The following ASB1 variants were observed in gnomAD, a reference collection of about 807,000 sequenced individuals.
ASB1 encodes ankyrin repeat and SOCS box containing 1.
ASB1 carries 18 observed loss-of-function variants against 27.7 expected under a neutral mutation model. The ratio of observed to expected loss-of-function variants is 0.65; its 90% CI spans 0.45 to 0.96. The LOEUF is 0.96. Ranked by LOEUF, ASB1 falls within the 50% of genes least tolerant of loss-of-function variation. The pLI, the probability that ASB1 is intolerant of heterozygous loss-of-function variation, is 0.00. For missense variants in ASB1, 397 were observed against 451.7 expected (o/e 0.88, Z 1.10); for synonymous variants, 189 against 187.6 (o/e 1.01, Z -0.06).
chr2:238,437,552 T>G (rs532113611), intron 3 of ASB1, among the ~76,000 whole-genome samples: 15 of 138,466 alleles, frequency 1.1e-4, no homozygotes, highest in African/African-American at 3.4e-4. Context: ...TTAATCATAC[T>G]AACGGTTGCC....
At chr2:238,438,800 T>C (rs1374139773) in intron 3 of ASB1, among the ~76,000 whole-genome samples, 2 of 152,226 alleles carry the variant, frequency 1.3e-5, no homozygotes, top group East Asian at 1.9e-4. Flanking sequence ...TTTTGTTATT[T>C]GTAAATTCAC....
intron 1 of ASB1, among the ~76,000 whole-genome samples, chr2:238,427,991 C>T (rs1414877878): frequency 6.6e-6 from 1 of 152,234 alleles, no homozygotes; most frequent in Non-Finnish European, 1.5e-5. Flanking sequence ...CCATCCATCC[C>T]TCCCTCTGCA....
intron 2 of ASB1, among the ~76,000 whole-genome samples, chr2:238,434,641 C>A (rs1701932805): frequency 6.6e-6 from 1 of 152,080 alleles, no homozygotes; most frequent in African/African-American, 2.4e-5. Flanking sequence ...AAGAAAAATA[C>A]CAGAAAGGAC....
intron 3 of ASB1, among the ~76,000 whole-genome samples, chr2:238,443,390 C>T (rs1702115508): frequency 1.3e-5 from 2 of 152,194 alleles, no homozygotes; most frequent in South Asian, 4.1e-4. Flanking sequence ...AATAAGTTCT[C>T]TCATTGCTTG....
At chr2:238,437,482 G>A (rs1370284569) in intron 3 of ASB1, among the ~76,000 whole-genome samples, 2 of 151,792 alleles carry the variant, frequency 1.3e-5, no homozygotes, top group Non-Finnish European at 2.9e-5. Flanking sequence ...CGCCCGCCTC[G>A]GCCTCCCAAA....
intron 3 of ASB1, among the ~76,000 whole-genome samples, chr2:238,438,785 C>T (rs996722102): frequency 2.0e-5 from 3 of 152,272 alleles, no homozygotes; most frequent in South Asian, 4.1e-4. Context: ...TGTAAGTCAC[C>T]TCCATTTTGT....
At position 238,442,121 on chromosome 2, in the gene ASB1, ATT is replaced by A. The variant is rs55633528; in HGVS notation, c.495-2204_495-2203del. On this transcript the variant is annotated intron_variant, in intron 3 of 4. Transcript: ENST00000264607. ...CATTTGTAGCTGTCCATCTCTCTAA[ATT>A]TTTTTTTTTTTTTTTTGAGATGAAG... Among the ~76,000 whole-genome samples, 74 of 141,932 alleles carry A rather than the reference ATT, an allele frequency of 5.2e-4. No homozygotes were observed. In the South Asian group the frequency reaches 7.2e-3, roughly 14 times the overall value. The allele number at this position is 141,932 out of a possible 152,430, so 93.1% of individuals were successfully genotyped here.
intron 1 of ASB1, chr2:238,427,379 A>G (rs1249729661): frequency 2.7e-6 from 1 of 367,248 alleles, no homozygotes; most frequent in South Asian, 1.5e-4. Context: ...ACTTGCTCGT[A>G]ACTTCCTTCC....
intron 2 of ASB1, 74 bp from the exon 3 acceptor site, chr2:238,435,637 G>C (rs1267335598): frequency 2.1e-6 from 3 of 1,459,900 alleles, no homozygotes; most frequent in Middle Eastern, 1.9e-4. Flanking sequence ...CATGCTGCCA[G>C]GGTGAGGGGG....
At chr2:238,430,030 CCAT>C (rs995751741) in intron 1 of ASB1, among the ~76,000 whole-genome samples, 1 of 151,964 alleles carries the variant, frequency 6.6e-6, no homozygotes, top group Non-Finnish European at 1.5e-5. Flanking sequence ...AAAATGCTAA[CCAT>C]CATCTGAGCT....
At chr2:238,437,327 G>T (rs1701991496) in intron 3 of ASB1, among the ~76,000 whole-genome samples, 1 of 152,128 alleles carries the variant, frequency 6.6e-6, no homozygotes, top group Non-Finnish European at 1.5e-5. Context: ...CGCCTCCTGG[G>T]TTCAAGCAGT....
Position 238,435,708 on chromosome 2 carries a change from C to A in ASB1, c.192-3C>A. On this transcript the variant is annotated splice_region_variant and splice_polypyrimidine_tract_variant and intron_variant, in intron 2 of 4. Coordinates refer to ENST00000264607, the MANE Select transcript of ASB1 (RefSeq NM_001040445.3). ...CATGAGCCCCCTTGTGTTCCTCCTGCAGCCGCATCAACGAGAAGTCTGTCT... is the reference window on the plus strand; with the variant it reads ...CATGAGCCCCCTTGTGTTCCTCCTGAAGCCGCATCAACGAGAAGTCTGTCT... 1 of 1,609,224 alleles carries A rather than the reference C, an allele frequency of 6.2e-7. No homozygotes were observed. The highest frequency in any genetic ancestry group is 8.5e-7 in the Non-Finnish European group (1 of 1,176,906).
Position 238,444,489 on chromosome 2 carries a change from T to G in ASB1, c.642T>G (p.Ala214=). 2 of 1,614,206 alleles carry G rather than the reference T, an allele frequency of 1.2e-6. No homozygotes were observed. Among genetic ancestry groups the G allele is most frequent in the South Asian group, 2.2e-5 (2 of 91,090 alleles). Residue 214 remains alanine (A), a synonymous_variant, in exon 4 of 5, where the codon GCT becomes GCG. Coordinates refer to ENST00000264607, the MANE Select transcript of ASB1 (RefSeq NM_001040445.3). The part of the protein sequence containing the change: ...NLQCFRLLLL[A]GANPDFNCNG... ...AGTGCTTCCGGCTGCTCCTCCTGGCTGGCGCGAACCCTGACTTCAACTGCA... is the reference window on the plus strand; with the variant it reads ...AGTGCTTCCGGCTGCTCCTCCTGGCGGGCGCGAACCCTGACTTCAACTGCA...
chr2:238,438,031 C>T (rs1702005050), intron 3 of ASB1, among the ~76,000 whole-genome samples: 1 of 152,012 alleles, frequency 6.6e-6, no homozygotes, highest in Admixed American at 6.6e-5. Flanking sequence ...TGTCTTTGCA[C>T]CTTGGAGAAT....
intron 2 of ASB1, among the ~76,000 whole-genome samples, chr2:238,434,391 G>A (rs1425379174): frequency 6.6e-6 from 1 of 152,196 alleles, no homozygotes; most frequent in Non-Finnish European, 1.5e-5. Context: ...CCCAGCTAGA[G>A]CTTAAACTCA....
intron 1 of ASB1, among the ~76,000 whole-genome samples, chr2:238,429,334 C>G (rs1261802691): frequency 6.6e-6 from 1 of 152,196 alleles, no homozygotes; most frequent in Non-Finnish European, 1.5e-5. Context: ...ACACACGAAT[C>G]TGTGTAACTA....
intron 3 of ASB1, among the ~76,000 whole-genome samples, chr2:238,438,927 C>CT (rs1212366320): frequency 6.6e-6 from 1 of 152,190 alleles, no homozygotes; most frequent in African/African-American, 2.4e-5. Context: ...ATATTAAAAG[C>CT]AATAGAGGAA....
At chr2:238,441,724 G>A (rs1232848609) in intron 3 of ASB1, among the ~76,000 whole-genome samples, 3 of 152,208 alleles carry the variant, frequency 2.0e-5, no homozygotes, top group East Asian at 1.9e-4. Flanking sequence ...AGCCAGTCCC[G>A]TTAGTGGACA....
intron 4 of ASB1, among the ~76,000 whole-genome samples, chr2:238,444,979 CTT>C (rs34563680): frequency 4.7e-4 from 55 of 117,850 alleles, no homozygotes; most frequent in African/African-American, 1.3e-3. Context: ...CTCGCGCTCT[CTT>C]TTTTTTTTTT....
Sources: gnomAD v4.1 joint callset for allele counts (sites outside exome capture counted in the v4.1 genomes callset) on GRCh38, gnomAD v4.1.1 for gene constraint, MANE v1.5 for transcripts, NCBI Gene and HGNC (gene_info 2026-07-23, HGNC 2026-07-21) for gene names.